Variants in RNF128 observed in about 807,000 individuals in gnomAD.
The protein encoded by RNF128 is E3 ubiquitin-protein ligase RNF128.
RNF128 carries 13 observed loss-of-function variants against 26.2 expected under a neutral mutation model. That is an observed-to-expected ratio of 0.50 (90% CI 0.32 to 0.79). RNF128 has a LOEUF of 0.79. Among genes scored for constraint, RNF128 ranks in the 30% least tolerant of loss-of-function variants. The pLI, the probability that RNF128 is intolerant of heterozygous loss-of-function variation, is 0.03. For missense variants in RNF128, 315 were observed against 349.7 expected, an observed-to-expected ratio of 0.90 and a Z score of 0.79; for synonymous variants, 149 against 142.5, an observed-to-expected ratio of 1.05 and a Z score of -0.32.
chrX:106,746,507 A>G (rs772858509), intron 1 of RNF128, among the ~76,000 whole-genome samples: 4 of 111,637 alleles, frequency 3.6e-5, no homozygotes, highest in Non-Finnish European at 5.7e-5. Context: ...GACAAAAACC[A>G]TAATATCATT....
At chrX:106,739,102 A>C (rs376171674) in intron 1 of RNF128, among the ~76,000 whole-genome samples, 16 of 109,753 alleles carry the variant, frequency 1.5e-4, no homozygotes, top group East Asian at 8.6e-4. Context: ...TCTCTCTTCT[A>C]TTCTCTTCTC....
intron 1 of RNF128, among the ~76,000 whole-genome samples, chrX:106,719,200 T>A (rs5962735): frequency 0.12 from 12,333 of 99,218 alleles, 1,682 homozygotes; most frequent in African/African-American, 0.41. Context: ...TGCCTGTAGA[T>A]TAAAAAAAAA....
intron 1 of RNF128, chrX:106,694,476 ACTGGT>A: frequency 1.1e-6 from 1 of 928,222 alleles, no homozygotes. Flanking sequence ...TCCATCTAGA[ACTGGT>A]CTAGGATCTG....
At chrX:106,694,916 G>A (rs994420140) in intron 1 of RNF128, among the ~76,000 whole-genome samples, 5 of 110,927 alleles carry the variant, frequency 4.5e-5, no homozygotes, top group African/African-American at 1.6e-4. Flanking sequence ...ATCTTTTTGC[G>A]GGACTGATAC....
intron 1 of RNF128, among the ~76,000 whole-genome samples, chrX:106,768,459 G>C (rs1162851803): frequency 1.8e-5 from 2 of 111,453 alleles, no homozygotes; most frequent in Non-Finnish European, 1.9e-5. Context: ...TGTATGTGTC[G>C]AGGAATTTAT....
At chrX:106,784,425 A>G (rs1260227799) in intron 2 of RNF128, among the ~76,000 whole-genome samples, 1 of 111,979 alleles carries the variant, frequency 8.9e-6, no homozygotes, top group Non-Finnish European at 1.9e-5. Context: ...GCATATCCAG[A>G]CACATCTAGA....
intron 1 of RNF128, among the ~76,000 whole-genome samples, chrX:106,772,145 A>AT (rs199783062): frequency 9.0e-6 from 1 of 111,523 alleles, no homozygotes; most frequent in African/African-American, 3.3e-5. Context: ...TTTGTACTTT[A>AT]TTTTTTTCCA....
rs190863558 is a variant in RNF128 at position 106,772,348 on chromosome X, G to C, written c.485-565G>C. ...GAACACCTTGAGCAAATTTTATATT[G>C]CTTTTGAGGATATAGAAAAATGGTA... On this transcript the variant is annotated intron_variant, in intron 1 of 6. Coordinates refer to ENST00000255499, the MANE Select transcript of RNF128 (RefSeq NM_194463.2). Among the ~76,000 whole-genome samples, 53 of 111,419 alleles carry C rather than the reference G, an allele frequency of 4.8e-4. 1 individual carries two copies. Among genetic ancestry groups the C allele is most frequent in the Non-Finnish European group, 6.8e-4 (36 of 53,053 alleles).
At chrX:106,780,305 A>G (rs973217595) in intron 2 of RNF128, among the ~76,000 whole-genome samples, 3 of 112,298 alleles carry the variant, frequency 2.7e-5, no homozygotes, top group Non-Finnish European at 5.6e-5. Context: ...TGAACATTGT[A>G]ATAAAGAATG....
rs1400356162 is a variant in RNF128, at chrX:106,787,948, G to A, written c.835G>A (p.Val279Met). Residue 279 changes from valine (V) to methionine (M), a missense_variant, in exon 4 of 7, where the codon GTG becomes ATG. Coordinates refer to ENST00000255499, the MANE Select transcript of RNF128 (RefSeq NM_194463.2). The part of the protein sequence containing the change: ...EIGPDGDSCA[V>M]CIELYKPNDL... ...TGGCCCTGATGGAGATAGTTGTGCT[G>A]TGTGCATTGAATTGTATAAACCAAA... 8.4e-7 allele frequency: 1 copy of A among 1,193,868 alleles called. No individual in the cohort carries two copies. Among genetic ancestry groups the A allele is most frequent in the East Asian group, 3.1e-5 (1 of 32,621 alleles).
In RNF128 at chrX:106,790,321, C is replaced by G. The variant is rs761896553; in HGVS notation, c.984+39C>G. ...TGTTATTTATATGAAGAATATATGC[C>G]TGGGCTTTGGAGAAAATAACAAAAT... is the stretch of plus-strand genomic sequence containing the variant. On this transcript the variant is annotated intron_variant, in intron 5 of 6. Coordinates refer to ENST00000255499, the MANE Select transcript of RNF128 (RefSeq NM_194463.2). 1.3e-5 allele frequency: 12 copies of G among 940,907 alleles called. No homozygotes were observed. In the South Asian group the frequency reaches 2.1e-4, roughly 16 times the overall value. The allele number at this position is 940,907 out of a possible 1,213,427, so 77.5% of individuals were successfully genotyped here. A position where few individuals can be genotyped will look rare whatever the true frequency, so the allele number is the denominator to read the frequency against.
chrX:106,722,746 G>C (rs1405413332), upstream of RNF128, among the ~76,000 whole-genome samples: 1 of 111,596 alleles, frequency 9.0e-6, no homozygotes, highest in Non-Finnish European at 1.9e-5. Flanking sequence ...AATTTATAAT[G>C]AGAAGTACAA....
chrX:106,754,084 A>G (rs1929949314), intron 1 of RNF128, among the ~76,000 whole-genome samples: 1 of 112,460 alleles, frequency 8.9e-6, no homozygotes. Context: ...CTTAATGTGC[A>G]GTAGAGAACA....
At chrX:106,773,570 G>A (rs1204699364) in intron 2 of RNF128, among the ~76,000 whole-genome samples, 1 of 111,083 alleles carries the variant, frequency 9.0e-6, no homozygotes, top group Non-Finnish European at 1.9e-5. Flanking sequence ...TCGCCCAAAG[G>A]TAACCACTAT....
intron 1 of RNF128, among the ~76,000 whole-genome samples, chrX:106,701,717 C>T (rs758757212): frequency 1.8e-5 from 2 of 111,221 alleles, no homozygotes; most frequent in Admixed American, 9.6e-5. Flanking sequence ...AAGACACAAA[C>T]AAACAGTAAA....
At chrX:106,694,027 T>A in exon 1 of RNF128, 1 of 1,198,473 alleles carries the variant, frequency 8.3e-7, no homozygotes, top group East Asian at 3.0e-5. Context: ...TAGGTCCAGT[T>A]TTTTTTGGCT....
At chrX:106,718,798 T>C (rs1403623913) in intron 1 of RNF128, among the ~76,000 whole-genome samples, 2 of 112,211 alleles carry the variant, frequency 1.8e-5, no homozygotes, top group East Asian at 2.8e-4. Flanking sequence ...ACTTGTCTAA[T>C]TCTGGTGTGA....
intron 1 of RNF128, among the ~76,000 whole-genome samples, chrX:106,720,381 A>AT (rs1325547456): frequency 1.8e-5 from 2 of 111,203 alleles, no homozygotes; most frequent in African/African-American, 3.3e-5. Context: ...AAAAATATAT[A>AT]TTTTTTATGT....
intron 1 of RNF128, among the ~76,000 whole-genome samples, chrX:106,744,633 G>C (rs1437771389): frequency 9.1e-6 from 1 of 110,453 alleles, no homozygotes; most frequent in African/African-American, 3.3e-5. Flanking sequence ...CTAATTTCTT[G>C]TATTTTTAGT....
Sources: allele counts gnomAD v4.1 joint callset (sites outside exome capture counted in the v4.1 genomes callset), GRCh38; gene constraint gnomAD v4.1.1; transcripts MANE v1.5; gene names NCBI Gene and HGNC (gene_info 2026-07-23, HGNC 2026-07-21).